The following CNTNAP2 variants were observed in gnomAD, a reference collection of about 807,000 sequenced individuals.
CNTNAP2 encodes the protein contactin associated protein 2.
CNTNAP2 carries 98 observed loss-of-function variants against 155.2 expected under a neutral mutation model. That is an observed-to-expected ratio of 0.63 (90% confidence interval 0.54 to 0.75). CNTNAP2 has a LOEUF of 0.75. Among genes scored for constraint, CNTNAP2 ranks in the 30% least tolerant of loss-of-function variants. The pLI, the probability that CNTNAP2 is intolerant of heterozygous loss-of-function variation, is 0.00. For missense variants in CNTNAP2, 1,727 were observed against 1,688.1 expected, an observed-to-expected ratio of 1.02 and a Z score of -0.40; for synonymous variants, 651 against 631.2, an observed-to-expected ratio of 1.03 and a Z score of -0.47.
intron 1 of CNTNAP2, among the ~76,000 whole-genome samples, chr7:146,647,071 C>G (rs908011890): frequency 6.6e-6 from 1 of 152,168 alleles, no homozygotes; most frequent in Non-Finnish European, 1.5e-5. Flanking sequence ...CTTGTCTCAT[C>G]GGAGGCTTGA....
intron 1 of CNTNAP2, among the ~76,000 whole-genome samples, chr7:146,760,409 CTTTTTTTTTTTTT>C (rs532820418): frequency 0.011 from 617 of 56,312 alleles, 10 homozygotes; most frequent in African/African-American, 0.04. Context: ...TCCAATTTAC[CTTTTTTTTTTTTT>C]TTTTTTTTTT....
intron 18 of CNTNAP2, among the ~76,000 whole-genome samples, chr7:148,206,768 G>A (rs890736863): frequency 6.6e-6 from 1 of 152,218 alleles, no homozygotes; most frequent in Admixed American, 6.5e-5. Flanking sequence ...CTGGAGGCCT[G>A]TTTCCCAAAC....
chr7:147,330,500 G>T (rs193216977), intron 9 of CNTNAP2, among the ~76,000 whole-genome samples: 8 of 152,254 alleles, frequency 5.3e-5, no homozygotes, highest in Non-Finnish European at 2.9e-5. Flanking sequence ...AGCATTGATG[G>T]GTTGGACTTA....
chr7:147,833,762 C>A (rs1219023725), intron 13 of CNTNAP2, among the ~76,000 whole-genome samples: 1 of 152,212 alleles, frequency 6.6e-6, no homozygotes, highest in African/African-American at 2.4e-5. Flanking sequence ...TCTTACTGGT[C>A]GCATCCAAGA....
At chr7:146,537,187 C>A (rs1305248080) in intron 1 of CNTNAP2, among the ~76,000 whole-genome samples, 2 of 151,870 alleles carry the variant, frequency 1.3e-5, no homozygotes, top group Non-Finnish European at 2.9e-5. Context: ...TATCTGTATC[C>A]TATCAACTTT....
chr7:147,279,990 A>G (rs1584841637), intron 8 of CNTNAP2, among the ~76,000 whole-genome samples: 1 of 151,918 alleles, frequency 6.6e-6, no homozygotes, highest in Non-Finnish European at 1.5e-5. Flanking sequence ...TGAACAATTC[A>G]AGTCTACATG....
intron 3 of CNTNAP2, among the ~76,000 whole-genome samples, chr7:146,877,007 T>C (rs1383667489): frequency 6.6e-6 from 1 of 152,186 alleles, no homozygotes; most frequent in African/African-American, 2.4e-5. Flanking sequence ...CTTTAAGCGT[T>C]TTTCATTGAT....
At chr7:148,374,077 C>T (rs373891864) in intron 21 of CNTNAP2, among the ~76,000 whole-genome samples, 17 of 152,190 alleles carry the variant, frequency 1.1e-4, no homozygotes, top group East Asian at 7.7e-4. Flanking sequence ...ACAGTTCTCC[C>T]TCTCAGTTTC....
intron 12 of CNTNAP2, among the ~76,000 whole-genome samples, chr7:147,638,013 A>G (rs1471730827): frequency 1.3e-5 from 2 of 152,220 alleles, no homozygotes; most frequent in African/African-American, 2.4e-5. Flanking sequence ...TTATTCGCCA[A>G]TATTCAAAAT....
At chr7:148,313,515 C>T (rs572122672) in intron 21 of CNTNAP2, among the ~76,000 whole-genome samples, 1 of 152,138 alleles carries the variant, frequency 6.6e-6, no homozygotes, top group Non-Finnish European at 1.5e-5. Flanking sequence ...GCACTTGTAG[C>T]AAGCTCCCGG....
chr7:147,518,293 A>C (rs911482585), intron 11 of CNTNAP2, among the ~76,000 whole-genome samples: 32 of 152,228 alleles, frequency 2.1e-4, no homozygotes, highest in African/African-American at 7.5e-4. Context: ...CGAATTTCAG[A>C]AAGAGAAAAA....
chr7:147,925,252 C>T (rs894741019), intron 14 of CNTNAP2, among the ~76,000 whole-genome samples: 9 of 151,096 alleles, frequency 6.0e-5, no homozygotes, highest in African/African-American at 2.2e-4. Context: ...CCCCCTACCC[C>T]CTACACATAT....
intron 19 of CNTNAP2, among the ~76,000 whole-genome samples, chr7:148,222,535 C>T (rs1387506448): frequency 3.9e-5 from 6 of 152,064 alleles, no homozygotes; most frequent in African/African-American, 1.2e-4. Flanking sequence ...TGGATCATTC[C>T]ATGAATCGAT....
intron 13 of CNTNAP2, among the ~76,000 whole-genome samples, chr7:147,683,300 T>G (rs1272922135): frequency 6.6e-6 from 1 of 151,846 alleles, no homozygotes; most frequent in Non-Finnish European, 1.5e-5. Flanking sequence ...TTGTAATCAA[T>G]AGTGAGAAAA....
intron 11 of CNTNAP2, among the ~76,000 whole-genome samples, chr7:147,548,414 G>C (rs557252838): frequency 6.6e-5 from 10 of 152,146 alleles, no homozygotes; most frequent in Admixed American, 3.9e-4. Context: ...CTTTTGAAAA[G>C]TGTCTGTTCA....
intron 1 of CNTNAP2, among the ~76,000 whole-genome samples, chr7:146,761,649 G>T (rs1053860484): frequency 3.9e-5 from 6 of 151,924 alleles, no homozygotes; most frequent in Admixed American, 3.9e-4. Flanking sequence ...TAGTGAAATT[G>T]TTCTTATCAT....
intron 13 of CNTNAP2, among the ~76,000 whole-genome samples, chr7:147,720,310 C>T (rs1796545420): frequency 6.6e-6 from 1 of 152,074 alleles, no homozygotes; most frequent in Admixed American, 6.6e-5. Flanking sequence ...AAAATAATTC[C>T]TCAAAAGCAA....
intron 15 of CNTNAP2, among the ~76,000 whole-genome samples, chr7:148,026,811 C>A (rs947658849): frequency 1.3e-5 from 2 of 152,124 alleles, no homozygotes; most frequent in African/African-American, 4.8e-5. Flanking sequence ...AAAATAATGA[C>A]ACTGCAAATC....
intron 4 of CNTNAP2, among the ~76,000 whole-genome samples, chr7:147,084,707 A>C (rs1156469061): frequency 2.0e-5 from 3 of 147,808 alleles, no homozygotes; most frequent in African/African-American, 7.4e-5. Flanking sequence ...CATAATGCAT[A>C]TATAATATAT....
Sources: allele counts gnomAD v4.1 joint callset (sites outside exome capture counted in the v4.1 genomes callset), GRCh38; gene constraint gnomAD v4.1.1; transcripts MANE v1.5; gene names NCBI Gene and HGNC (gene_info 2026-07-23, HGNC 2026-07-21).